Variants in LTBP4 observed in about 807,000 individuals in gnomAD.
LTBP4 encodes the protein latent transforming growth factor beta binding protein 4.
In LTBP4, 93 loss-of-function variants were observed where a neutral mutation model predicts 180.2. That is an observed-to-expected ratio of 0.52 (90% CI 0.44 to 0.61). LTBP4 has a LOEUF of 0.61. Among genes scored for constraint, LTBP4 ranks in the 20% least tolerant of loss-of-function variants. The pLI, the probability that LTBP4 is intolerant of heterozygous loss-of-function variation, is 0.00. For missense variants in LTBP4, 2,116 were observed against 2,256.5 expected (o/e 0.94, Z 1.26); for synonymous variants, 947 against 934.5 (o/e 1.01, Z -0.24).
At chr19:40,601,672 C>G (rs1055589722) in intron 1 of LTBP4, 35 bp downstream of exon 1, 1 of 1,318,836 alleles carries the variant, frequency 7.6e-7, no homozygotes, top group Non-Finnish European at 9.7e-7. Flanking sequence ...GAGAGCGGCT[C>G]CGGGGGGGAG....
chr19:40,608,955 G>A lies in LTBP4; in HGVS notation c.1426+352G>A, dbSNP rs190933685. ...GGCATTGATGGGGGTATTACAGGTG[G>A]GATTCTGGGGTAAAAGACTCCAAGG... On this transcript the variant is annotated intron_variant, in intron 9 of 29. Coordinates refer to ENST00000396819, the MANE Select transcript of LTBP4 (RefSeq NM_001042545.2). 4.5e-5 allele frequency: 10 copies of A among 222,638 alleles called. No individual in the cohort carries two copies. The East Asian group carries it at 1.1e-3, about 24-fold the overall frequency. 13.8% of individuals were successfully genotyped at this position (222,638 alleles called of 1,614,324 possible).
intron 1 of LTBP4, among the ~76,000 whole-genome samples, chr19:40,596,023 C>T (rs1457876435): frequency 7.0e-6 from 1 of 142,522 alleles, no homozygotes; most frequent in Non-Finnish European, 1.5e-5. Flanking sequence ...TGGGTTCAAA[C>T]GATTCTCCTG....
chr19:40,598,979 A>G (rs1258730129), upstream of LTBP4, among the ~76,000 whole-genome samples: 1 of 152,214 alleles, frequency 6.6e-6, no homozygotes, highest in East Asian at 1.9e-4. Flanking sequence ...TTCATAAGAC[A>G]AAAGTACGGT....
chr19:40,611,332 G>T lies in LTBP4; in HGVS notation c.1991G>T (p.Gly664Val), dbSNP rs759437502. 1.9e-6 allele frequency: 3 copies of T among 1,611,630 alleles called. No individual in the cohort carries two copies. In the East Asian group the frequency reaches 6.7e-5, roughly 36 times the overall value. Residue 664 changes from glycine (G) to valine (V), a missense_variant, in exon 13 of 30, where the codon GGC becomes GTC. By Grantham distance (109) the Gly-to-Val change is moderately radical (BLOSUM62 -3). Transcript: ENST00000396819. This position sits in a 1 kb window ranked among gnomAD's most constrained non-coding sequence, Gnocchi z 4.4. Reference protein sequence around the residue: ...CGPGRCDNTAGSFHCACPAGF... With the variant: ...CGPGRCDNTAVSFHCACPAGF... ...CCCGGCCGCTGTGACAACACGGCAG[G>T]CTCCTTTCACTGTGCCTGCCCTGCT...
At chr19:40,597,277 G>C (rs1486103029), upstream of LTBP4, 28 of 1,521,304 alleles carry the variant, frequency 1.8e-5, no homozygotes, top group Non-Finnish European at 2.4e-5. Flanking sequence ...CCTCCTGCTG[G>C]TGCTGTTGCT....
chr19:40,611,279 G>A lies in LTBP4; in HGVS notation c.1938G>A (p.Glu646=). The change falls in exon 13 of 30, where the codon GAG becomes GAA. Residue 646 remains glutamate, a synonymous_variant. Coordinates refer to ENST00000396819, the MANE Select transcript of LTBP4 (RefSeq NM_001042545.2). The surrounding 1 kb of genome is among the most constrained non-coding windows in gnomAD (Gnocchi z 4.4). The part of the protein sequence containing the change: ...RGSACEEDVD[E]CAQEPPPCGP... The stretch of plus-strand genomic sequence containing the variant: ...CGGCGTGTGAAGAGGATGTGGATGA[G>A]TGTGCCCAGGAGCCGCCGCCCTGTG... The A allele has an allele frequency of 3.1e-6, 5 of 1,612,302 alleles. No individual in the cohort carries two copies. The highest frequency in any genetic ancestry group is 3.4e-6 in the Non-Finnish European group (4 of 1,179,348).
intron 28 of LTBP4, 115 bp downstream of exon 28, chr19:40,627,470 A>G: frequency 5.2e-6 from 7 of 1,347,058 alleles, no homozygotes; most frequent in Non-Finnish European, 6.9e-6. Context: ...AACTGGAGAG[A>G]GCCACAGAAA....
chr19:40,594,870 G>A (rs572279603), intron 1 of LTBP4, among the ~76,000 whole-genome samples: 1 of 151,988 alleles, frequency 6.6e-6, no homozygotes, highest in Admixed American at 6.6e-5. Flanking sequence ...GTGAGCGGGG[G>A]TGAAGGGCTT....
upstream of LTBP4, chr19:40,599,366 G>A (rs1290801840): frequency 1.2e-6 from 2 of 1,610,468 alleles, no homozygotes; most frequent in East Asian, 2.2e-5. Context: ...GATGCATTTG[G>A]TAGAGAAGTA....
intron 21 of LTBP4, 60 bp downstream of exon 21, chr19:40,617,285 G>C: frequency 6.4e-7 from 1 of 1,569,804 alleles, no homozygotes; most frequent in East Asian, 2.3e-5. Context: ...GTCAGGCCCT[G>C]TCCCTCCCCA....
upstream of LTBP4, among the ~76,000 whole-genome samples, chr19:40,597,852 G>T (rs1281959179): frequency 1.3e-5 from 2 of 151,820 alleles, no homozygotes; most frequent in Non-Finnish European, 2.9e-5. Context: ...GCGACCTTTG[G>T]GTTTTTCGAA....
At chr19:40,618,013 A>G (rs950853916) in intron 21 of LTBP4, among the ~76,000 whole-genome samples, 4 of 151,992 alleles carry the variant, frequency 2.6e-5, no homozygotes, top group African/African-American at 9.7e-5. Context: ...CAATATGCAT[A>G]TCACTAACCA....
In LTBP4 at chr19:40,608,507, G is replaced by C. The variant is rs1394539364; in HGVS notation, c.1330G>C (p.Glu444Gln). ...SAGFLPTHRL[E>Q]PRPEPRPDPR... ...AGGCTTTCTGCCCACCCATCGCCTG[G>C]AGCCCCGGCCTGAACCCCGGCCCGA... Residue 444 changes from glutamate (E) to glutamine (Q), a missense_variant, in exon 9 of 30, where the codon GAG becomes CAG. Physicochemically the swap from Glu to Gln is conservative, Grantham distance 29. This residue lies in a region of LTBP4 where 877 missense variants were observed against 873.6 expected (regional missense o/e 1.00). Coordinates refer to ENST00000396819, the MANE Select transcript of LTBP4 (RefSeq NM_001042545.2). 4 of 1,605,976 alleles carry C rather than the reference G, an allele frequency of 2.5e-6. No individual in the cohort carries two copies. The highest frequency in any genetic ancestry group is 2.2e-5 in the South Asian group (2 of 89,604).
At chr19:40,619,617 GAC>G in intron 22 of LTBP4, 124 bp downstream of exon 22, 1 of 1,101,898 alleles carries the variant, frequency 9.1e-7, no homozygotes, top group Non-Finnish European at 1.3e-6. Context: ...ATCAACAAAA[GAC>G]ACATAAGTTA....
At chr19:40,625,340 T>G (rs2081626330) in intron 26 of LTBP4, among the ~76,000 whole-genome samples, 1 of 117,508 alleles carries the variant, frequency 8.5e-6, no homozygotes, top group South Asian at 2.9e-4. Flanking sequence ...AGATGGGTTT[T>G]TGCCATGTTG....
chr19:40,609,344 C>T lies in LTBP4; in HGVS notation c.1427-186C>T, dbSNP rs767787672. On this transcript the variant is annotated intron_variant, in intron 9 of 29. Transcript: ENST00000396819. This position sits in a 1 kb window ranked among gnomAD's most constrained non-coding sequence, Gnocchi z 4.9. ...CTTGGGGTGGCATGATGAGGGGATT[C>T]GGCCAAGGATCTGATGAGAACGTTC... is the stretch of plus-strand genomic sequence containing the variant. Among the ~76,000 whole-genome samples, 2 of 152,028 alleles carry T rather than the reference C, an allele frequency of 1.3e-5. No homozygotes were observed. Among genetic ancestry groups the T allele is most frequent in the Non-Finnish European group, 2.9e-5 (2 of 68,008 alleles).
chr19:40,622,460 C>T lies in LTBP4; in HGVS notation c.3277C>T (p.Pro1093Ser). The T allele has an allele frequency of 6.2e-7, 1 of 1,602,496 alleles. No homozygotes were observed. The highest frequency in any genetic ancestry group is 8.5e-7 in the Non-Finnish European group (1 of 1,173,654). The change falls in exon 23 of 30, where the codon CCT becomes TCT. Residue 1093 changes from proline to serine, a missense_variant. Pro to Ser is a moderately conservative substitution (Grantham distance 74). Transcript: ENST00000396819. This position sits in a 1 kb window ranked among gnomAD's most constrained non-coding sequence, Gnocchi z 5.1. ...PASPVLPARP[P>S]PPPLPRRPST... ...TAGCCCCGTTCTGCCCGCCAGGCCA[C>T]CTCCGCCACCCCTGCCCCGCCGACC...
chr19:40,606,349 G>T, intron 5 of LTBP4, 42 bp downstream of exon 5: 2 of 1,601,802 alleles, frequency 1.2e-6, no homozygotes, highest in Non-Finnish European at 1.7e-6. Flanking sequence ...TTCTGGGGGC[G>T]GGATTTGCAG....
intron 19 of LTBP4, among the ~76,000 whole-genome samples, chr19:40,616,512 C>T (rs1325922850): frequency 2.6e-5 from 4 of 152,024 alleles, no homozygotes; most frequent in East Asian, 1.9e-4. Context: ...GTGGACAGAT[C>T]GCTTGAGGTC....
Sources: gnomAD v4.1 joint callset for allele counts (sites outside exome capture counted in the v4.1 genomes callset) on GRCh38, gnomAD v4.1.1 for gene constraint, gnomAD v4.1.1 regional missense constraint, Gnocchi (gnomAD v3.1) non-coding constraint, MANE v1.5 for transcripts, NCBI Gene and HGNC (gene_info 2026-07-23, HGNC 2026-07-21) for gene names.